The following AGAP1 variants were observed in gnomAD, a reference collection of about 807,000 sequenced individuals.
The protein encoded by AGAP1 is ArfGAP with GTPase domain, ankyrin repeat and PH domain 1.
Under a neutral mutation model 105.3 loss-of-function variants are expected in AGAP1, and 29 were observed. The ratio of observed to expected loss-of-function variants is 0.28; its 90% CI spans 0.21 to 0.38. The LOEUF is 0.38. Among genes scored for constraint, AGAP1 ranks in the 10% least tolerant of loss-of-function variants. AGAP1 has a pLI of 1.00. For missense variants in AGAP1, 998 were observed against 1,165.1 expected, an observed-to-expected ratio of 0.86 and a Z score of 2.09; for synonymous variants, 509 against 485.9, an observed-to-expected ratio of 1.05 and a Z score of -0.63.
At chr2:235,682,820 T>TGTGTGTGTG (rs1949157943) in intron 1 of AGAP1, among the ~76,000 whole-genome samples, 2 of 57,024 alleles carry the variant, frequency 3.5e-5, no homozygotes, top group East Asian at 9.7e-4. Flanking sequence ...GTGTGTGTGT[T>TGTGTGTGTG]TTCAGGCAGC....
intron 1 of AGAP1, among the ~76,000 whole-genome samples, chr2:235,561,156 C>G (rs1234729709): frequency 1.3e-5 from 2 of 152,124 alleles, no homozygotes; most frequent in Admixed American, 6.5e-5. Context: ...CGCCTGTGCT[C>G]TCTATGTGAA....
chr2:235,507,168 A>G (rs1321027106), intron 1 of AGAP1: 1 of 152,674 alleles, frequency 6.5e-6, no homozygotes, highest in Non-Finnish European at 1.5e-5. Context: ...CTGTCTTGTC[A>G]TCGATAGATG....
chr2:235,971,363 C>T lies in AGAP1; in HGVS notation c.1645+2740C>T, dbSNP rs1297532562. Among the ~76,000 whole-genome samples, 1 of 152,148 alleles carries T rather than the reference C, an allele frequency of 6.6e-6. No homozygotes were observed. Among genetic ancestry groups the T allele is most frequent in the East Asian group, 1.9e-4 (1 of 5,196 alleles). Reference sequence around the variant, plus strand: ...ATGATATTTTTGATAGTTTTATTTACTGTTAATTCCTTGAAAGTACATTGT... The same window carrying T: ...ATGATATTTTTGATAGTTTTATTTATTGTTAATTCCTTGAAAGTACATTGT... On this transcript the variant is annotated intron_variant, in intron 13 of 17. Transcript: ENST00000304032. The surrounding 1 kb of genome is among the most constrained non-coding windows in gnomAD (Gnocchi z 4.8).
At chr2:235,606,083 C>T (rs1384264588) in intron 1 of AGAP1, among the ~76,000 whole-genome samples, 11 of 152,204 alleles carry the variant, frequency 7.2e-5, no homozygotes, top group African/African-American at 2.7e-4. Flanking sequence ...AAGAAGAGTT[C>T]TTGTAAACAG....
At position 235,867,023 on chromosome 2, in the gene AGAP1, G is replaced by A. The variant is rs2049202874; in HGVS notation, c.1051-16322G>A. ...CCATAATAGTCATCGTCTAAGGGAT[G>A]GGCGTCGGGGGGTGCTTGCTTATGC... On this transcript the variant is annotated intron_variant, in intron 9 of 17. Coordinates refer to ENST00000304032, the MANE Select transcript of AGAP1 (RefSeq NM_001037131.3). The surrounding 1 kb of genome is among the most constrained non-coding windows in gnomAD (Gnocchi z 5.4). Among the ~76,000 whole-genome samples the A allele has an allele frequency of 6.6e-6, 1 of 152,204 alleles. No individual in the cohort carries two copies. The highest frequency in any genetic ancestry group is 1.5e-5 in the Non-Finnish European group (1 of 68,046).
chr2:236,059,637 G>A (rs774285248), intron 16 of AGAP1, among the ~76,000 whole-genome samples: 9 of 152,118 alleles, frequency 5.9e-5, no homozygotes, highest in Non-Finnish European at 8.8e-5. Context: ...TCAATGAAGC[G>A]GAATCGAGAG....
intron 9 of AGAP1, among the ~76,000 whole-genome samples, chr2:235,821,735 G>A (rs1159994898): frequency 3.3e-5 from 5 of 152,096 alleles, no homozygotes; most frequent in Non-Finnish European, 7.4e-5. Flanking sequence ...CATTTTACCA[G>A]TTTTTCCTGA....
chr2:235,523,207 C>T (rs1338965844), intron 1 of AGAP1, among the ~76,000 whole-genome samples: 1 of 152,146 alleles, frequency 6.6e-6, no homozygotes, highest in African/African-American at 2.4e-5. Context: ...ACGGCCATGA[C>T]CTCATCTAAA....
At chr2:235,807,575 C>T (rs1575519146) in intron 9 of AGAP1, among the ~76,000 whole-genome samples, 1 of 152,208 alleles carries the variant, frequency 6.6e-6, no homozygotes, top group Non-Finnish European at 1.5e-5. Flanking sequence ...ATATGGAGTG[C>T]GTTTCCAGGC....
intron 1 of AGAP1, among the ~76,000 whole-genome samples, chr2:235,686,646 GATATAT>G (rs869287617): frequency 5.3e-5 from 1 of 18,824 alleles, no homozygotes; most frequent in African/African-American, 2.1e-4. Context: ...TATATATATA[GATATAT>G]ATATATATAT....
At chr2:235,929,433 C>T (rs768098459) in intron 11 of AGAP1, among the ~76,000 whole-genome samples, 13 of 152,110 alleles carry the variant, frequency 8.5e-5, no homozygotes, top group Non-Finnish European at 1.6e-4. Context: ...AGCAGACCTG[C>T]CTATGAATAA....
At chr2:235,807,575 C>G (rs1575519146) in intron 9 of AGAP1, among the ~76,000 whole-genome samples, 7 of 152,208 alleles carry the variant, frequency 4.6e-5, no homozygotes. Flanking sequence ...ATATGGAGTG[C>G]GTTTCCAGGC....
chr2:235,724,777 G>A lies in AGAP1; in HGVS notation c.310+7133G>A, dbSNP rs1951566574. 6.7e-6 allele frequency among the ~76,000 whole-genome samples: 1 copy of A among 150,222 alleles called. No homozygotes were observed. The highest frequency in any genetic ancestry group is 2.5e-5 in the African/African-American group (1 of 40,728). Reference sequence around the variant, plus strand: ...TAGGCTCGACAGTTCCCTAACTCAGGAAAGTCGAGTTTCTGAGCATAAGTC... The same window carrying A: ...TAGGCTCGACAGTTCCCTAACTCAGAAAAGTCGAGTTTCTGAGCATAAGTC... On this transcript the variant is annotated intron_variant, in intron 3 of 17. Coordinates refer to ENST00000304032, the MANE Select transcript of AGAP1 (RefSeq NM_001037131.3). The surrounding 1 kb of genome is among the most constrained non-coding windows in gnomAD (Gnocchi z 4.9).
chr2:235,592,041 C>T (rs1469312077), intron 1 of AGAP1, among the ~76,000 whole-genome samples: 1 of 152,226 alleles, frequency 6.6e-6, no homozygotes, highest in Non-Finnish European at 1.5e-5. Context: ...TACCCAGCCT[C>T]AGGCATTCCT....
At chr2:235,688,343 G>A (rs1324366411) in intron 1 of AGAP1, among the ~76,000 whole-genome samples, 4 of 152,130 alleles carry the variant, frequency 2.6e-5, no homozygotes. Context: ...GAGCAGGTGT[G>A]TGCAGGAAGG....
rs1026182800 is a variant in AGAP1, at chr2:236,002,118, G to A, written c.1645+33495G>A. ...GAGAGTTTCTCAAGCGACATGCCAG[G>A]AAGAGCTGGCTTCCCCGCACAAGCA... On this transcript the variant is annotated intron_variant, in intron 13 of 17. Coordinates refer to ENST00000304032, the MANE Select transcript of AGAP1 (RefSeq NM_001037131.3). This position sits in a 1 kb window ranked among gnomAD's most constrained non-coding sequence, Gnocchi z 4.3. 6.6e-6 allele frequency among the ~76,000 whole-genome samples: 1 copy of A among 152,208 alleles called. No homozygotes were observed. Among genetic ancestry groups the A allele is most frequent in the Non-Finnish European group, 1.5e-5 (1 of 68,050 alleles).
At position 235,830,393 on chromosome 2, in the gene AGAP1, A is replaced by C. The variant is rs942612862; in HGVS notation, c.1050+23062A>C. Reference sequence around the variant, plus strand: ...TAGCAGTGTCCACTGTCTTTCTTCAAATCAAGGCCAGTGAATTTTCTGATT... The same window carrying C: ...TAGCAGTGTCCACTGTCTTTCTTCACATCAAGGCCAGTGAATTTTCTGATT... On this transcript the variant is annotated intron_variant, in intron 9 of 17. Coordinates refer to ENST00000304032, the MANE Select transcript of AGAP1 (RefSeq NM_001037131.3). This position sits in a 1 kb window ranked among gnomAD's most constrained non-coding sequence, Gnocchi z 5.5. 6.6e-6 allele frequency among the ~76,000 whole-genome samples: 1 copy of C among 152,206 alleles called. No individual in the cohort carries two copies. Among genetic ancestry groups the C allele is most frequent in the African/African-American group, 2.4e-5 (1 of 41,452 alleles).
Position 235,792,240 on chromosome 2 carries a change from C to T in AGAP1, c.674-5519C>T, listed in dbSNP as rs151297640. ...CTCTTCAGTGTCACTGCAATCTATA[C>T]GCTTTCTCTGTGTCTTCCTTAGTTC... On this transcript the variant is annotated intron_variant, in intron 6 of 17. Transcript: ENST00000304032. This position sits in a 1 kb window ranked among gnomAD's most constrained non-coding sequence, Gnocchi z 5.3. Among the ~76,000 whole-genome samples, 1,119 of 152,260 alleles carry T rather than the reference C, an allele frequency of 7.3e-3. 5 individuals carry two copies. Among genetic ancestry groups the T allele is most frequent in the Middle Eastern group, 0.01 (3 of 294 alleles).
rs2057677917 is a variant in AGAP1 at position 236,045,128 on chromosome 2, C to G, written c.1892-3931C>G. Among the ~76,000 whole-genome samples the G allele has an allele frequency of 6.6e-6, 1 of 152,200 alleles. No individual in the cohort carries two copies. Among genetic ancestry groups the G allele is most frequent in the Admixed American group, 6.5e-5 (1 of 15,288 alleles). On this transcript the variant is annotated intron_variant, in intron 15 of 17. Transcript: ENST00000304032. This position sits in a 1 kb window ranked among gnomAD's most constrained non-coding sequence, Gnocchi z 6.9. ...AGGTAGTCTCACTATGCTGCCCAGGCTGGTCTTAAACTCCTGGCCTTCGGC... is the reference window on the plus strand; with the variant it reads ...AGGTAGTCTCACTATGCTGCCCAGGGTGGTCTTAAACTCCTGGCCTTCGGC...
Sources: allele counts gnomAD v4.1 joint callset (sites outside exome capture counted in the v4.1 genomes callset), GRCh38; gene constraint gnomAD v4.1.1; non-coding constraint Gnocchi (gnomAD v3.1); transcripts MANE v1.5; gene names NCBI Gene and HGNC (gene_info 2026-07-23, HGNC 2026-07-21).